DAB1: variants seen among roughly 807,000 people sequenced by gnomAD.
The protein encoded by DAB1 is DAB adaptor protein 1.
Under a neutral mutation model 64.6 loss-of-function variants are expected in DAB1, and 15 were observed. The ratio of observed to expected loss-of-function variants is 0.23; its 90% CI spans 0.16 to 0.36. The LOEUF (loss-of-function observed/expected upper bound fraction) is 0.36, where lower values mean the gene tolerates loss of function less well. Among genes scored for constraint, DAB1 ranks in the 10% least tolerant of loss-of-function variants. The pLI is 1.00. For missense variants in DAB1, 596 were observed against 706.7 expected, an observed-to-expected ratio of 0.84 and a Z score of 1.78; for synonymous variants, 235 against 251.9, an observed-to-expected ratio of 0.93 and a Z score of 0.64.
intron 1 of DAB1, among the ~76,000 whole-genome samples, chr1:57,398,238 A>G (rs1322027216): frequency 1.3e-5 from 2 of 152,222 alleles, no homozygotes; most frequent in African/African-American, 4.8e-5. Flanking sequence ...GACACTTACC[A>G]TCTTAGGGAG....
chr1:57,617,517 G>T (rs1236243788), intron 7 of DAB1, among the ~76,000 whole-genome samples: 2 of 152,008 alleles, frequency 1.3e-5, no homozygotes, highest in African/African-American at 4.8e-5. Context: ...GCATTGATCA[G>T]AACACTCTTG....
chr1:58,030,570 CTTA>C (rs1285113567), intron 5 of DAB1, among the ~76,000 whole-genome samples: 1 of 152,156 alleles, frequency 6.6e-6, no homozygotes, highest in Non-Finnish European at 1.5e-5. Context: ...TTTCAAATCA[CTTA>C]TTATTAAGCA....
chr1:58,536,425 A>C (rs576383464), intron 1 of DAB1: 2 of 680,866 alleles, frequency 2.9e-6, no homozygotes, highest in African/African-American at 3.6e-5. Context: ...CTAAAATTAA[A>C]AAACAACATA....
chr1:58,435,845 TG>T (rs1644938335), intron 3 of DAB1, among the ~76,000 whole-genome samples: 1 of 152,228 alleles, frequency 6.6e-6, no homozygotes, highest in South Asian at 2.1e-4. Context: ...TTAGCACGTC[TG>T]AGTTATTGAA....
At chr1:57,192,686 T>C (rs1225374010) in intron 2 of DAB1, among the ~76,000 whole-genome samples, 1 of 152,182 alleles carries the variant, frequency 6.6e-6, no homozygotes, top group Admixed American at 6.6e-5. Flanking sequence ...TACCTTCCTA[T>C]CCTCTTCCAG....
At chr1:57,934,206 G>A (rs772730778) in intron 5 of DAB1, among the ~76,000 whole-genome samples, 20 of 152,228 alleles carry the variant, frequency 1.3e-4, no homozygotes, top group South Asian at 8.3e-4. Context: ...TTACAGGCGT[G>A]AGCCACTGCG....
At chr1:57,011,309 G>A (rs371169348) in intron 12 of DAB1, 37 bp from the exon 13 acceptor site, 1 of 1,603,128 alleles carries the variant, frequency 6.2e-7, no homozygotes, top group African/African-American at 1.3e-5. Flanking sequence ...CATCTTAAGT[G>A]CCTGGCTGCC....
chr1:57,079,278 C>T (rs113748278), intron 4 of DAB1, among the ~76,000 whole-genome samples: 3 of 152,106 alleles, frequency 2.0e-5, no homozygotes, highest in African/African-American at 7.2e-5. Context: ...CCTGCACTGT[C>T]ACTAACCCTC....
chr1:58,375,256 GC>G (rs1644312384), intron 3 of DAB1, among the ~76,000 whole-genome samples: 1 of 146,416 alleles, frequency 6.8e-6, no homozygotes, highest in Non-Finnish European at 1.5e-5. Context: ...CCTGTCTTGT[GC>G]CAGTTTTTAA....
chr1:57,920,113 GC>G (rs1375719443), intron 5 of DAB1, among the ~76,000 whole-genome samples: 1 of 152,170 alleles, frequency 6.6e-6, no homozygotes, highest in Admixed American at 6.5e-5. Flanking sequence ...GGCTATTAAG[GC>G]AGAGAGGTGA....
At chr1:58,488,745 C>T (rs1466008803) in intron 3 of DAB1, among the ~76,000 whole-genome samples, 1 of 152,206 alleles carries the variant, frequency 6.6e-6, no homozygotes, top group Non-Finnish European at 1.5e-5. Context: ...CCACCACGCC[C>T]AGCCCCAGTG....
intron 3 of DAB1, among the ~76,000 whole-genome samples, chr1:58,487,644 T>C (rs746547246): frequency 2.6e-5 from 4 of 152,226 alleles, no homozygotes; most frequent in Non-Finnish European, 5.9e-5. Context: ...TGGGTTCTAA[T>C]AGTTTTTTAA....
intron 7 of DAB1, among the ~76,000 whole-genome samples, chr1:57,598,611 C>G (rs755780518): frequency 3.3e-5 from 5 of 152,206 alleles, no homozygotes; most frequent in Non-Finnish European, 4.4e-5. Context: ...AAAAGACACC[C>G]TCCCAAGGAG....
intron 1 of DAB1, among the ~76,000 whole-genome samples, chr1:57,365,592 T>C (rs1025950212): frequency 7.9e-5 from 12 of 151,866 alleles, no homozygotes; most frequent in African/African-American, 2.4e-4. Flanking sequence ...ACACAGGTAA[T>C]AATATCTTCA....
At chr1:58,038,425 A>AAGGAGAAT (rs1557621254) in intron 5 of DAB1, among the ~76,000 whole-genome samples, 3 of 152,094 alleles carry the variant, frequency 2.0e-5, no homozygotes, top group Admixed American at 6.5e-5. Flanking sequence ...ACAAACCTGT[A>AAGGAGAAT]GTACTATCTT....
chr1:57,452,166 CTTTTTTTTT>C (rs78592207), intron 7 of DAB1, among the ~76,000 whole-genome samples: 1 of 75,010 alleles, frequency 1.3e-5, no homozygotes, highest in Non-Finnish European at 2.3e-5. Flanking sequence ...TGCACCCCCC[CTTTTTTTTT>C]TTTTTTTTTT....
intron 6 of DAB1, among the ~76,000 whole-genome samples, chr1:57,732,585 G>A (rs191603650): frequency 6.6e-6 from 1 of 152,326 alleles, no homozygotes; most frequent in East Asian, 1.9e-4. Context: ...CATGGTGCAG[G>A]AAGGTTTACT....
intron 7 of DAB1, among the ~76,000 whole-genome samples, chr1:57,495,068 G>C (rs1644213456): frequency 1.3e-5 from 2 of 152,124 alleles, no homozygotes; most frequent in Admixed American, 1.3e-4. Flanking sequence ...GTAAGGTCTT[G>C]AGTCAATCGC....
At chr1:57,779,784 T>C (rs112784535) in intron 6 of DAB1, among the ~76,000 whole-genome samples, 28 of 152,278 alleles carry the variant, frequency 1.8e-4, no homozygotes, top group African/African-American at 6.5e-4. Context: ...CTTAGTGAGC[T>C]GAAAACTGAT....
Sources: gnomAD v4.1 joint callset for allele counts (sites outside exome capture counted in the v4.1 genomes callset) on GRCh38, gnomAD v4.1.1 for gene constraint, MANE v1.5 for transcripts, NCBI Gene and HGNC (gene_info 2026-07-23, HGNC 2026-07-21) for gene names.